Variants in ARSJ observed in about 807,000 individuals in gnomAD.
ARSJ encodes arylsulfatase J.
ARSJ carries 26 observed loss-of-function variants against 35.9 expected under a neutral mutation model. That is an observed-to-expected ratio of 0.72 (90% CI 0.53 to 1.00). The LOEUF (loss-of-function observed/expected upper bound fraction) is 1.00. Ranked by LOEUF, ARSJ falls within the 50% of genes least tolerant of loss-of-function variation. ARSJ has a pLI of 0.00. For synonymous variants in ARSJ, 294 were observed against 267.6 expected (o/e 1.10, Z -0.96); for missense variants, 667 against 723.6 (o/e 0.92, Z 0.90).
Position 113,900,641 on chromosome 4 carries a change from C to T in ARSJ, c.*1633G>A, listed in dbSNP as rs2099666771. Reference sequence around the variant, plus strand: ...ACACATTTTCAGATCACAGTTATAACTTCAAAGATCATAATTCTAGCTATC... The same window carrying T: ...ACACATTTTCAGATCACAGTTATAATTTCAAAGATCATAATTCTAGCTATC... On this transcript the variant is annotated 3_prime_UTR_variant, in exon 2 of 2. Coordinates refer to ENST00000315366, the MANE Select transcript of ARSJ (RefSeq NM_024590.4). 6.6e-6 allele frequency: 1 copy of T among 152,118 alleles called. No homozygotes were observed. The highest frequency in any genetic ancestry group is 1.5e-5 in the Non-Finnish European group (1 of 68,024). 9.4% of individuals were successfully genotyped at this position (152,118 alleles called of 1,614,324 possible). A position where few individuals can be genotyped will look rare whatever the true frequency, so the allele number is the denominator to read the frequency against.
intron 1 of ARSJ, among the ~76,000 whole-genome samples, chr4:113,910,675 G>A (rs2149251665): frequency 6.6e-6 from 1 of 152,262 alleles, no homozygotes; most frequent in African/African-American, 2.4e-5. Flanking sequence ...GGAAAGGGGT[G>A]AAAGTGGGGC....
intron 1 of ARSJ, among the ~76,000 whole-genome samples, chr4:113,930,967 T>C (rs559538014): frequency 6.6e-6 from 1 of 151,170 alleles, no homozygotes; most frequent in Non-Finnish European, 1.5e-5. Context: ...TAGGTGGGAA[T>C]TGAACAATGA....
At chr4:113,944,652 A>G (rs1725362549) in intron 1 of ARSJ, among the ~76,000 whole-genome samples, 1 of 152,048 alleles carries the variant, frequency 6.6e-6, no homozygotes, top group Non-Finnish European at 1.5e-5. Flanking sequence ...TAGGGTTGTG[A>G]GTCTTATGAT....
intron 1 of ARSJ, among the ~76,000 whole-genome samples, chr4:113,969,188 C>G (rs1727081836): frequency 6.6e-6 from 1 of 152,122 alleles, no homozygotes. Flanking sequence ...TAGCAGGGTT[C>G]CAATAGATTC....
Position 113,901,443 on chromosome 4 carries a change from A to G in ARSJ, c.*831T>C, listed in dbSNP as rs546667886. ...GCTTGGTAATTTGAAGAAATGAAATAAAATTATTCTAATGGTATGCAGGAA... is the reference window on the plus strand; with the variant it reads ...GCTTGGTAATTTGAAGAAATGAAATGAAATTATTCTAATGGTATGCAGGAA... On this transcript the variant is annotated 3_prime_UTR_variant, in exon 2 of 2. Coordinates refer to ENST00000315366, the MANE Select transcript of ARSJ (RefSeq NM_024590.4). 6.7e-6 allele frequency: 1 copy of G among 149,634 alleles called. No homozygotes were observed. The highest frequency in any genetic ancestry group is 2.0e-4 in the East Asian group (1 of 5,110). 9.3% of individuals were successfully genotyped at this position (149,634 alleles called of 1,614,324 possible). A position where few individuals can be genotyped will look rare whatever the true frequency, so the allele number is the denominator to read the frequency against.
chr4:113,970,159 G>A (rs1234745150), intron 1 of ARSJ, among the ~76,000 whole-genome samples: 1 of 152,188 alleles, frequency 6.6e-6, no homozygotes, highest in Non-Finnish European at 1.5e-5. Context: ...AAGAAGAGAG[G>A]AAATTGAGAT....
chr4:113,913,852 A>T (rs963782242), intron 1 of ARSJ, among the ~76,000 whole-genome samples: 4 of 152,180 alleles, frequency 2.6e-5, no homozygotes, highest in Admixed American at 1.3e-4. Context: ...TCCTGATACT[A>T]CCAACTTTGC....
At chr4:113,926,763 C>G (rs559112824) in intron 1 of ARSJ, among the ~76,000 whole-genome samples, 3 of 152,300 alleles carry the variant, frequency 2.0e-5, no homozygotes, top group Non-Finnish European at 4.4e-5. Flanking sequence ...TTCAGGTCAT[C>G]TGGTGACTTG....
intron 1 of ARSJ, among the ~76,000 whole-genome samples, chr4:113,922,949 C>G (rs925669228): frequency 6.6e-6 from 1 of 152,070 alleles, no homozygotes. Flanking sequence ...TCATTTAAGT[C>G]GGTTGACTTT....
intron 1 of ARSJ, among the ~76,000 whole-genome samples, chr4:113,910,057 T>G (rs2099669972): frequency 6.6e-6 from 1 of 152,138 alleles, no homozygotes; most frequent in Non-Finnish European, 1.5e-5. Context: ...ATTTTGAAAT[T>G]TAGTAAGTTT....
rs201483377 is a variant in ARSJ, at chr4:113,978,718, G to C, written c.117C>G (p.Leu39=). 9.3e-5 allele frequency: 150 copies of C among 1,614,224 alleles called. No homozygotes were observed. The African/African-American group carries it at 1.9e-3, about 21-fold the overall frequency. The change falls in exon 1 of 2, where the codon CTC becomes CTG. Residue 39 remains leucine (L), a synonymous_variant. Transcript: ENST00000315366. ...ALAGFWILCL[L]TYGYLSWGQA... is the part of the protein sequence containing the mutation. ...GGCCCCAGGACAGGTAACCATAAGTGAGGAGGCAGAGGATCCAGAATCCTG... is the reference window on the plus strand; with the variant it reads ...GGCCCCAGGACAGGTAACCATAAGTCAGGAGGCAGAGGATCCAGAATCCTG...
chr4:113,901,521 T>A lies in ARSJ; in HGVS notation c.*753A>T, dbSNP rs1158867877. ...AACTTTTTATAAAAACAACAAAATA[T>A]TTTTCTGTAAAAATAAATTAGGTTT... On this transcript the variant is annotated 3_prime_UTR_variant, in exon 2 of 2. Transcript: ENST00000315366. 1 of 152,546 alleles carries A rather than the reference T, an allele frequency of 6.6e-6. No individual in the cohort carries two copies. Among genetic ancestry groups the A allele is most frequent in the Non-Finnish European group, 1.5e-5 (1 of 68,030 alleles). The allele number at this position is 152,546 out of a possible 1,614,324, so 9.4% of individuals were successfully genotyped here. A position where few individuals can be genotyped will look rare whatever the true frequency, so the allele number is the denominator to read the frequency against.
intron 1 of ARSJ, among the ~76,000 whole-genome samples, chr4:113,965,183 A>C (rs943549343): frequency 6.6e-6 from 1 of 152,146 alleles, no homozygotes; most frequent in Non-Finnish European, 1.5e-5. Context: ...TATTGACATC[A>C]TTAATTTATA....
chr4:113,925,870 T>C (rs1724024825), intron 1 of ARSJ, among the ~76,000 whole-genome samples: 1 of 152,124 alleles, frequency 6.6e-6, no homozygotes, highest in Non-Finnish European at 1.5e-5. Flanking sequence ...GATCACCATA[T>C]TGAGGGCTCA....
At chr4:113,961,961 GCAAT>G (rs1726574748) in intron 1 of ARSJ, among the ~76,000 whole-genome samples, 1 of 150,978 alleles carries the variant, frequency 6.6e-6, no homozygotes, top group South Asian at 2.1e-4. Flanking sequence ...GATATTTGAT[GCAAT>G]CAATAGTCTG....
intron 1 of ARSJ, among the ~76,000 whole-genome samples, chr4:113,950,335 C>T (rs529505381): frequency 5.0e-4 from 76 of 152,202 alleles, no homozygotes; most frequent in African/African-American, 1.5e-3. Context: ...TCTGCTGCAA[C>T]CTCATCATTG....
At chr4:113,960,209 T>A (rs1037862831) in intron 1 of ARSJ, among the ~76,000 whole-genome samples, 18 of 152,198 alleles carry the variant, frequency 1.2e-4, no homozygotes, top group African/African-American at 4.3e-4. Context: ...AAAATACACA[T>A]TGATCGAGAA....
intron 1 of ARSJ, among the ~76,000 whole-genome samples, chr4:113,961,181 T>A (rs1214435389): frequency 6.6e-6 from 1 of 152,034 alleles, no homozygotes; most frequent in Non-Finnish European, 1.5e-5. Context: ...TCCAGCACGT[T>A]GGAAGTGAAG....
chr4:113,933,686 GACAAACCTTC>G, intron 1 of ARSJ, among the ~76,000 whole-genome samples: 2 of 151,754 alleles, frequency 1.3e-5, no homozygotes, highest in South Asian at 4.2e-4. Flanking sequence ...TTCAACATAT[GACAAACCTTC>G]ACCAAACTGG....
Sources: gnomAD v4.1 joint callset for allele counts (sites outside exome capture counted in the v4.1 genomes callset) on GRCh38, gnomAD v4.1.1 for gene constraint, MANE v1.5 for transcripts, NCBI Gene and HGNC (gene_info 2026-07-23, HGNC 2026-07-21) for gene names.